Variants in WDFY3 observed in about 807,000 individuals in gnomAD.
WDFY3 encodes WD repeat and FYVE domain containing 3, also known as WD repeat and FYVE domain-containing protein 3.
A neutral mutation model predicts 409.6 loss-of-function variants in WDFY3; 66 were observed. The ratio of observed to expected loss-of-function variants is 0.16; its 90% CI spans 0.13 to 0.20. The LOEUF is 0.20. WDFY3 is among the 10% of genes least tolerant of loss of function. The pLI is 1.00. For synonymous variants in WDFY3, 1,521 were observed against 1,537.1 expected, an observed-to-expected ratio of 0.99 and a Z score of 0.25; for missense variants, 3,031 against 4,298.1, an observed-to-expected ratio of 0.71 and a Z score of 8.24.
Position 84,817,551 on chromosome 4 carries a change from T to G in WDFY3, c.1728A>C (p.Ala576=), listed in dbSNP as rs1366524155. 1 of 1,604,102 alleles carries G rather than the reference T, an allele frequency of 6.2e-7. No homozygotes were observed. Among genetic ancestry groups the G allele is most frequent in the African/African-American group, 1.3e-5 (1 of 74,666 alleles). ...ATTGAGGGTACTTTACTATATTATG[T>G]GCACATCTTGCACCTCCAAATTCTC... is the stretch of plus-strand genomic sequence containing the variant. ...IFREFGGARC[A]HNIVKYPQCR... Residue 576 remains alanine (A), a synonymous_variant, in exon 13 of 68, where the codon GCA becomes GCC. Coordinates refer to ENST00000295888, the MANE Select transcript of WDFY3 (RefSeq NM_014991.6).
At chr4:84,800,648 CT>C (rs1465373516) in intron 17 of WDFY3, among the ~76,000 whole-genome samples, 3 of 152,216 alleles carry the variant, frequency 2.0e-5, no homozygotes, top group African/African-American at 7.2e-5. Context: ...GGTACCCAAC[CT>C]TTTTGGCATC....
intron 2 of WDFY3, among the ~76,000 whole-genome samples, chr4:84,906,752 C>T (rs529121220): frequency 1.3e-5 from 2 of 150,916 alleles, no homozygotes; most frequent in South Asian, 4.2e-4. Flanking sequence ...TTTCTTAAAA[C>T]ATTATGAGAT....
At chr4:84,731,145 A>G (rs1406533924) in intron 44 of WDFY3, among the ~76,000 whole-genome samples, 2 of 152,206 alleles carry the variant, frequency 1.3e-5, no homozygotes, top group Admixed American at 1.3e-4. Flanking sequence ...GTTGGGTTGC[A>G]TTCAAAGCCA....
chr4:84,915,562 T>G (rs1015060982), intron 2 of WDFY3, among the ~76,000 whole-genome samples: 2 of 152,242 alleles, frequency 1.3e-5, no homozygotes, highest in East Asian at 3.9e-4. Flanking sequence ...TAGCAAGAAC[T>G]TGGTATTCAA....
At chr4:84,733,729 T>C in intron 43 of WDFY3, 120 bp from the exon 44 acceptor site, 1 of 962,066 alleles carries the variant, frequency 1.0e-6, no homozygotes, top group Admixed American at 2.7e-5. Flanking sequence ...CCATTTCAGT[T>C]AACATTATAA....
chr4:84,783,232 G>C (rs1746880988), intron 24 of WDFY3, among the ~76,000 whole-genome samples, 158 bp from the exon 25 acceptor site: 1 of 152,166 alleles, frequency 6.6e-6, no homozygotes, highest in Non-Finnish European at 1.5e-5. Flanking sequence ...GGTGGCTCAT[G>C]CCTATAATCC....
intron 1 of WDFY3, among the ~76,000 whole-genome samples, chr4:84,948,089 G>A (rs918540877): frequency 6.6e-6 from 1 of 152,074 alleles, no homozygotes; most frequent in Non-Finnish European, 1.5e-5. Context: ...TTTATAGGAA[G>A]TAAATGAAAG....
rs757627887 is a variant in WDFY3, at chr4:84,741,773, T to C, written c.6222A>G (p.Gln2074=). Residue 2074 remains glutamine (Q), a synonymous_variant, in exon 38 of 68, where the codon CAA becomes CAG. Transcript: ENST00000295888. ...GACAATGGATTACCTGTGCAATTAG[T>C]TGAATTATAAAATCTATAAGAAGTT... ...ESKLLIDFII[Q]LIAQSKRRSQ... The C allele has an allele frequency of 2.6e-5, 42 of 1,609,784 alleles. No individual in the cohort carries two copies. Among genetic ancestry groups the C allele is most frequent in the Admixed American group, 2.0e-4 (12 of 59,852 alleles).
intron 2 of WDFY3, among the ~76,000 whole-genome samples, chr4:84,918,355 T>C (rs528574983): frequency 6.6e-6 from 1 of 152,240 alleles, no homozygotes; most frequent in East Asian, 1.9e-4. Context: ...AAAAGAATGA[T>C]GACGACCTCT....
chr4:84,745,085 G>T (rs554112094), intron 36 of WDFY3, among the ~76,000 whole-genome samples: 84 of 151,974 alleles, frequency 5.5e-4, no homozygotes, highest in African/African-American at 2.0e-3. Flanking sequence ...AAGTTAAACT[G>T]TAGTCTACTG....
intron 1 of WDFY3, among the ~76,000 whole-genome samples, chr4:84,937,951 T>C (rs1771641285): frequency 6.6e-6 from 1 of 152,168 alleles, no homozygotes; most frequent in South Asian, 2.1e-4. Context: ...CATGCATATA[T>C]ACCTGTGATA....
intron 3 of WDFY3, among the ~76,000 whole-genome samples, chr4:84,890,528 A>G (rs1273983696): frequency 6.6e-6 from 1 of 152,240 alleles, no homozygotes; most frequent in Non-Finnish European, 1.5e-5. Flanking sequence ...GCTGGGAGGC[A>G]GTGCATGTCA....
In WDFY3 at chr4:84,828,992, G is replaced by T. The variant is rs1755269391; in HGVS notation, c.956+12C>A. 1.9e-6 allele frequency: 3 copies of T among 1,571,518 alleles called. No individual in the cohort carries two copies. The highest frequency in any genetic ancestry group is 1.2e-5 in the South Asian group (1 of 83,970). Reference sequence around the variant, plus strand: ...GACATTTAAAATACATTCTTAAATTGAGCAGTCTTACCTAAGCAAGAGATC... The same window carrying T: ...GACATTTAAAATACATTCTTAAATTTAGCAGTCTTACCTAAGCAAGAGATC... On this transcript the variant is annotated intron_variant, in intron 9 of 67. Transcript: ENST00000295888.
Position 84,858,880 on chromosome 4 carries a change from G to A in WDFY3, c.180+1532C>T, listed in dbSNP as rs142855162. 6.1e-3 allele frequency among the ~76,000 whole-genome samples: 921 copies of A among 152,040 alleles called. 12 individuals carry two copies. The highest frequency in any genetic ancestry group is 0.021 in the African/African-American group (869 of 41,482). On this transcript the variant is annotated intron_variant, in intron 4 of 67. Coordinates refer to ENST00000295888, the MANE Select transcript of WDFY3 (RefSeq NM_014991.6). ...AAGAGACAGGGGAGAGTCAGAGACA[G>A]GGAAAGAAATAGGGACAGAGAGGAG...
intron 23 of WDFY3, among the ~76,000 whole-genome samples, 197 bp from the exon 24 acceptor site, chr4:84,786,336 G>C (rs1481970287): frequency 6.6e-6 from 1 of 152,110 alleles, no homozygotes; most frequent in Non-Finnish European, 1.5e-5. Flanking sequence ...TCTAGTCATA[G>C]AGTTCTACAT....
chr4:84,834,922 C>A (rs1213360590), intron 7 of WDFY3, among the ~76,000 whole-genome samples: 2 of 152,076 alleles, frequency 1.3e-5, no homozygotes, highest in African/African-American at 2.4e-5. Context: ...CATTAGCCTG[C>A]GATGAGGAAC....
intron 3 of WDFY3, among the ~76,000 whole-genome samples, chr4:84,883,987 C>A (rs1763876729): frequency 6.6e-6 from 1 of 152,006 alleles, no homozygotes; most frequent in South Asian, 2.1e-4. Flanking sequence ...AAATTACATG[C>A]TAAAAATTAC....
chr4:84,959,506 T>TA (rs1453961381), intron 1 of WDFY3, among the ~76,000 whole-genome samples: 3 of 152,134 alleles, frequency 2.0e-5, no homozygotes, highest in Non-Finnish European at 4.4e-5. Flanking sequence ...TTGAAAATGA[T>TA]AAACATTTAG....
intron 5 of WDFY3, among the ~76,000 whole-genome samples, chr4:84,841,624 A>C (rs1288414803): frequency 6.6e-6 from 1 of 152,220 alleles, no homozygotes; most frequent in Non-Finnish European, 1.5e-5. Flanking sequence ...ATAAAACAAG[A>C]GTGGCTAGAG....
Sources: gnomAD v4.1 joint callset for allele counts (sites outside exome capture counted in the v4.1 genomes callset) on GRCh38, gnomAD v4.1.1 for gene constraint, MANE v1.5 for transcripts, NCBI Gene and HGNC (gene_info 2026-07-23, HGNC 2026-07-21) for gene names.